CALN1: variants seen among roughly 807,000 people sequenced by gnomAD.
The protein encoded by CALN1 is calcium-binding protein 8.
Under a neutral mutation model 30.6 loss-of-function variants are expected in CALN1, and 17 were observed. That is an observed-to-expected ratio of 0.56 (90% CI 0.38 to 0.83). CALN1 has a LOEUF of 0.83. Among genes scored for constraint, CALN1 ranks in the 40% least tolerant of loss-of-function variants. The pLI is 0.00. For missense variants in CALN1, 291 were observed against 354.9 expected, an observed-to-expected ratio of 0.82 and a Z score of 1.45; for synonymous variants, 156 against 131.4, an observed-to-expected ratio of 1.19 and a Z score of -1.28.
At chr7:71,861,604 G>A (rs774102285) in intron 5 of CALN1, among the ~76,000 whole-genome samples, 2 of 149,006 alleles carry the variant, frequency 1.3e-5, no homozygotes, top group Non-Finnish European at 3.0e-5. Flanking sequence ...GTGAGACCCT[G>A]TGACTACGAA....
At chr7:71,949,172 T>C (rs1796564349) in intron 5 of CALN1, among the ~76,000 whole-genome samples, 1 of 149,866 alleles carries the variant, frequency 6.7e-6, no homozygotes, top group African/African-American at 2.5e-5. Flanking sequence ...AGGAAGCGAA[T>C]CCCTGACAGG....
rs769381389 is a variant in CALN1, at chr7:71,810,468, C to T, written c.526G>A (p.Glu176Lys). 1.2e-6 allele frequency: 2 copies of T among 1,613,918 alleles called. No individual in the cohort carries two copies. The highest frequency in any genetic ancestry group is 1.7e-5 in the Admixed American group (1 of 59,996). The change falls in exon 6 of 7, where the codon GAA becomes AAA. Residue 176 changes from glutamate (E) to lysine (K), a missense_variant. Around this residue, in one of 2 missense-constraint regions of CALN1, gnomAD observed 169 missense variants for 251.7 expected, o/e 0.67. Coordinates refer to ENST00000395275, the MANE Select transcript of CALN1 (RefSeq NM_031468.4). ...TGATAGAGAATGTGCTTCAACTCTT[C>T]CAGAGTTATCCTTTGCATGTCAAAC... ...WQFDMQRITL[E>K]ELKHILYHAF...
intron 4 of CALN1, among the ~76,000 whole-genome samples, chr7:72,083,747 C>T (rs1376444789): frequency 6.6e-6 from 1 of 151,932 alleles, no homozygotes; most frequent in Non-Finnish European, 1.5e-5. Flanking sequence ...GGTGAAACCC[C>T]CTCTCTACTA....
intron 2 of CALN1, among the ~76,000 whole-genome samples, chr7:72,379,273 G>C (rs1804750210): frequency 1.3e-5 from 2 of 152,136 alleles, no homozygotes; most frequent in South Asian, 4.2e-4. Context: ...GGGATTAGAG[G>C]TGTGAAGCAC....
chr7:72,056,130 TAGA>T (rs1803244199), intron 4 of CALN1, among the ~76,000 whole-genome samples: 1 of 128,850 alleles, frequency 7.8e-6, no homozygotes, highest in South Asian at 3.1e-4. Context: ...TGCTTCCTGG[TAGA>T]AGGATTACTC....
rs1432754894 is a variant in CALN1, at chr7:72,002,190, G to C, written c.501+21467C>G. 2.6e-5 allele frequency among the ~76,000 whole-genome samples: 4 copies of C among 152,298 alleles called. No homozygotes were observed. In the East Asian group the frequency reaches 7.7e-4, roughly 29 times the overall value. ...ACAGATGCTCCTTGAGTTATGATGAGATTTGATCCTGAAAAACCACTGTAA... is the reference window on the plus strand; with the variant it reads ...ACAGATGCTCCTTGAGTTATGATGACATTTGATCCTGAAAAACCACTGTAA... On this transcript the variant is annotated intron_variant, in intron 5 of 6. Coordinates refer to ENST00000395275, the MANE Select transcript of CALN1 (RefSeq NM_031468.4).
intron 5 of CALN1, among the ~76,000 whole-genome samples, chr7:71,822,538 G>A (rs1340586352): frequency 6.6e-6 from 1 of 152,184 alleles, no homozygotes; most frequent in Non-Finnish European, 1.5e-5. Flanking sequence ...GTGAGTCACC[G>A]TGCCTGGCCC....
intron 4 of CALN1, among the ~76,000 whole-genome samples, chr7:72,076,933 AT>A (rs568292083): frequency 1.3e-5 from 2 of 151,428 alleles, no homozygotes; most frequent in African/African-American, 4.9e-5. Context: ...TTTATTTTTT[AT>A]TTTTTTTGAG....
At chr7:72,237,731 A>G (rs1794560955) in intron 3 of CALN1, among the ~76,000 whole-genome samples, 1 of 152,202 alleles carries the variant, frequency 6.6e-6, no homozygotes, top group Admixed American at 6.5e-5. Flanking sequence ...CACAAAAGCA[A>G]GACAGAGAGA....
intron 3 of CALN1, among the ~76,000 whole-genome samples, chr7:72,265,458 G>A (rs149811708): frequency 1.3e-3 from 194 of 152,186 alleles, no homozygotes; most frequent in Non-Finnish European, 1.9e-3. Context: ...AGCCAACATC[G>A]GAATGATGGG....
intron 4 of CALN1, among the ~76,000 whole-genome samples, chr7:72,036,035 T>C (rs1801776354): frequency 6.6e-6 from 1 of 152,246 alleles, no homozygotes; most frequent in Non-Finnish European, 1.5e-5. Context: ...AGTCTAGTCA[T>C]AACAAACTCC....
chr7:72,256,604 A>AT (rs10642125), intron 3 of CALN1, among the ~76,000 whole-genome samples: 54,988 of 151,116 alleles, frequency 0.36, 13,123 homozygotes, highest in East Asian at 0.87. Context: ...TCAATCAATT[A>AT]TTTTTTTTTC....
chr7:72,138,122 T>C (rs760348632), intron 3 of CALN1, among the ~76,000 whole-genome samples: 18 of 152,158 alleles, frequency 1.2e-4, no homozygotes, highest in Non-Finnish European at 1.8e-4. Flanking sequence ...CATGAGCAAA[T>C]ATGTTTTCTT....
intron 5 of CALN1, among the ~76,000 whole-genome samples, chr7:72,011,799 C>G (rs1396956872): frequency 6.6e-6 from 1 of 152,122 alleles, no homozygotes; most frequent in Non-Finnish European, 1.5e-5. Context: ...TATGCACCAC[C>G]AGACCCAGCT....
At chr7:71,915,182 C>A (rs1225636714) in intron 5 of CALN1, among the ~76,000 whole-genome samples, 1 of 152,174 alleles carries the variant, frequency 6.6e-6, no homozygotes, top group Admixed American at 6.5e-5. Context: ...CCTAATCTCA[C>A]CCCCTTAGGG....
intron 4 of CALN1, among the ~76,000 whole-genome samples, chr7:72,079,657 G>T (rs1264396198): frequency 6.6e-6 from 1 of 150,712 alleles, no homozygotes; most frequent in African/African-American, 2.4e-5. Flanking sequence ...AGTCGCTTCT[G>T]TTGTTTTTTA....
chr7:71,836,045 C>T (rs929389486), intron 5 of CALN1, among the ~76,000 whole-genome samples: 11 of 152,146 alleles, frequency 7.2e-5, no homozygotes, highest in African/African-American at 2.7e-4. Context: ...ACCTCTTGCA[C>T]CAAAGACATC....
chr7:72,336,099 T>C (rs958838689), intron 2 of CALN1, among the ~76,000 whole-genome samples: 1 of 152,072 alleles, frequency 6.6e-6, no homozygotes, highest in African/African-American at 2.4e-5. Context: ...GGTTACCCCT[T>C]GCACCCTGGC....
intron 5 of CALN1, among the ~76,000 whole-genome samples, chr7:71,810,980 C>T (rs1202217905): frequency 4.6e-5 from 7 of 151,114 alleles, no homozygotes; most frequent in African/African-American, 1.7e-4. Flanking sequence ...ACTGCAACCT[C>T]GCCTCCCGAG....
Sources: allele counts gnomAD v4.1 joint callset (sites outside exome capture counted in the v4.1 genomes callset), GRCh38; gene constraint gnomAD v4.1.1; regional missense constraint gnomAD v4.1.1; transcripts MANE v1.5; gene names NCBI Gene and HGNC (gene_info 2026-07-23, HGNC 2026-07-21).